The following BABAM2 variants were observed in gnomAD, a reference collection of about 807,000 sequenced individuals.
The protein encoded by BABAM2 is BRISC and BRCA1 A complex member 2.
A neutral mutation model predicts 54.7 loss-of-function variants in BABAM2; 31 were observed. The observed-to-expected ratio is 0.57, with a 90% CI of 0.43 to 0.77. The LOEUF (loss-of-function observed/expected upper bound fraction) is 0.77, where lower values mean the gene tolerates loss of function less well. Among genes scored for constraint, BABAM2 ranks in the 30% least tolerant of loss-of-function variants. The probability of loss-of-function intolerance (pLI) is 0.00; values close to 1 mark genes in which losing one functional copy is unlikely to be tolerated. For synonymous variants in BABAM2, 167 were observed against 162.9 expected, an observed-to-expected ratio of 1.03 and a Z score of -0.19; for missense variants, 364 against 455.8, an observed-to-expected ratio of 0.80 and a Z score of 1.83.
chr2:28,075,433 T>C (rs928630732), intron 6 of BABAM2, among the ~76,000 whole-genome samples: 3 of 152,328 alleles, frequency 2.0e-5, no homozygotes, highest in Non-Finnish European at 2.9e-5. Context: ...TGCTGTTCCC[T>C]TCTAAGCAAA....
chr2:27,942,984 G>A (rs562752452), intron 3 of BABAM2, among the ~76,000 whole-genome samples: 1 of 151,590 alleles, frequency 6.6e-6, no homozygotes, highest in Non-Finnish European at 1.5e-5. Flanking sequence ...CGGGGTTTTG[G>A]TTTCACTTCA....
At chr2:28,104,378 G>A (rs1300441339) in intron 6 of BABAM2, among the ~76,000 whole-genome samples, 2 of 152,176 alleles carry the variant, frequency 1.3e-5, no homozygotes, top group Admixed American at 6.5e-5. Flanking sequence ...AGTGGGCGAA[G>A]GATATGAACA....
At chr2:28,252,068 C>T (rs1683540048) in intron 10 of BABAM2, among the ~76,000 whole-genome samples, 1 of 151,928 alleles carries the variant, frequency 6.6e-6, no homozygotes. Context: ...CCTGTAATCT[C>T]AGCTTCTTGG....
At chr2:27,896,960 T>A (rs1475400319) in intron 2 of BABAM2, 1 of 156,542 alleles carries the variant, frequency 6.4e-6, no homozygotes, top group Non-Finnish European at 1.4e-5. Context: ...CACATGAAGC[T>A]GATTTTTCAA....
intron 9 of BABAM2, among the ~76,000 whole-genome samples, chr2:28,241,780 A>T (rs1422397747): frequency 6.6e-6 from 1 of 151,130 alleles, no homozygotes; most frequent in Non-Finnish European, 1.5e-5. Flanking sequence ...GGCGTGAGCC[A>T]CCACACCCAG....
chr2:28,324,511 C>T (rs1690279974), intron 11 of BABAM2, among the ~76,000 whole-genome samples: 1 of 152,026 alleles, frequency 6.6e-6, no homozygotes, highest in South Asian at 2.1e-4. Flanking sequence ...TGGTGGCTCA[C>T]ACCTATAATT....
chr2:28,061,584 C>CAAAAAAA (rs397871191), intron 6 of BABAM2, among the ~76,000 whole-genome samples: 1 of 54,068 alleles, frequency 1.8e-5, no homozygotes, highest in Non-Finnish European at 4.0e-5. Context: ...GACTCTGTCT[C>CAAAAAAA]AAAAAAAAAA....
At chr2:28,238,613 C>T (rs2148061500) in intron 8 of BABAM2, among the ~76,000 whole-genome samples, 1 of 152,324 alleles carries the variant, frequency 6.6e-6, no homozygotes, top group Middle Eastern at 3.4e-3. Flanking sequence ...AGGCTTTAAC[C>T]CTCATGCAGG....
At chr2:28,040,072 A>G (rs1007355345) in intron 5 of BABAM2, among the ~76,000 whole-genome samples, 1 of 152,186 alleles carries the variant, frequency 6.6e-6, no homozygotes, top group Non-Finnish European at 1.5e-5. Flanking sequence ...CTGAGTGACC[A>G]TAAATTGCTT....
chr2:27,942,764 A>G (rs1030039576), intron 3 of BABAM2, among the ~76,000 whole-genome samples: 28 of 151,426 alleles, frequency 1.8e-4, no homozygotes, highest in African/African-American at 6.3e-4. Flanking sequence ...ACCTGATAAT[A>G]ACTGTTTTAC....
In BABAM2 at chr2:28,016,197, T is replaced by G. The variant is rs1377395591; in HGVS notation, c.301-9029T>G. On this transcript the variant is annotated intron_variant, in intron 4 of 11. Transcript: ENST00000379624. The stretch of plus-strand genomic sequence containing the variant: ...ATGAATACTTACCAGATTTCTTCTT[T>G]TTTCTTTCTCTGTCTTTTTTTGGAT... 3 of 1,112,628 alleles carry G rather than the reference T, an allele frequency of 2.7e-6. No homozygotes were observed. In the African/African-American group the frequency reaches 4.7e-5, roughly 17 times the overall value. The allele number at this position is 1,112,628 out of a possible 1,614,324, so 68.9% of individuals were successfully genotyped here. A position where few individuals can be genotyped will look rare whatever the true frequency, so the allele number is the denominator to read the frequency against.
intron 7 of BABAM2, among the ~76,000 whole-genome samples, chr2:28,132,238 A>T (rs1188115872): frequency 6.7e-6 from 1 of 149,892 alleles, no homozygotes; most frequent in African/African-American, 2.5e-5. Flanking sequence ...TCCCGGGTTC[A>T]CGCCATTCTC....
At chr2:28,121,673 C>T (rs753911513) in intron 6 of BABAM2, among the ~76,000 whole-genome samples, 3 of 152,142 alleles carry the variant, frequency 2.0e-5, no homozygotes, top group Non-Finnish European at 2.9e-5. Context: ...CATTCCTTAT[C>T]TTCTTTCTCT....
intron 6 of BABAM2, among the ~76,000 whole-genome samples, chr2:28,069,004 T>C (rs530421857): frequency 6.6e-6 from 1 of 152,330 alleles, no homozygotes; most frequent in South Asian, 2.1e-4. Flanking sequence ...TTCAGGATAA[T>C]GGAGACTCCT....
intron 3 of BABAM2, among the ~76,000 whole-genome samples, chr2:27,933,595 A>G (rs1668262214): frequency 1.3e-5 from 2 of 151,812 alleles, no homozygotes; most frequent in Non-Finnish European, 2.9e-5. Context: ...CAGCCTCCGG[A>G]GTAGTTGGAA....
chr2:28,112,137 C>CTTTCTT (rs1558346586), intron 6 of BABAM2, among the ~76,000 whole-genome samples: 1 of 17,468 alleles, frequency 5.7e-5, no homozygotes, highest in Non-Finnish European at 1.1e-4. Context: ...TTCTTTCTTT[C>CTTTCTT]TTTCTTTCTT....
intron 8 of BABAM2, among the ~76,000 whole-genome samples, chr2:28,237,872 A>T (rs1682058213): frequency 6.6e-6 from 1 of 151,862 alleles, no homozygotes; most frequent in Non-Finnish European, 1.5e-5. Flanking sequence ...ATTTTTTTTG[A>T]GACAGAGTCT....
chr2:28,315,172 C>T (rs1391899079), intron 11 of BABAM2, among the ~76,000 whole-genome samples: 1 of 151,734 alleles, frequency 6.6e-6, no homozygotes, highest in Non-Finnish European at 1.5e-5. Context: ...AGAGAACATG[C>T]CCTCTGGAAT....
chr2:28,111,206 C>T (rs1320447211), intron 6 of BABAM2, among the ~76,000 whole-genome samples: 1 of 150,728 alleles, frequency 6.6e-6, no homozygotes, highest in African/African-American at 2.4e-5. Context: ...TGGTCTCGAA[C>T]CCCTGACCTT....
Sources: allele counts gnomAD v4.1 joint callset (sites outside exome capture counted in the v4.1 genomes callset), GRCh38; gene constraint gnomAD v4.1.1; transcripts MANE v1.5; gene names NCBI Gene and HGNC (gene_info 2026-07-23, HGNC 2026-07-21).